The following TENM3 variants were observed in gnomAD, a reference collection of about 807,000 sequenced individuals.
The protein encoded by TENM3 is teneurin transmembrane protein 3.
TENM3 carries 63 observed loss-of-function variants against 255.1 expected under a neutral mutation model. That is an observed-to-expected ratio of 0.25 (90% CI 0.20 to 0.30). The LOEUF is 0.30. Among genes scored for constraint, TENM3 ranks in the 10% least tolerant of loss-of-function variants. TENM3 has a pLI of 1.00. For synonymous variants in TENM3, 1,306 were observed against 1,322.3 expected (o/e 0.99, Z 0.27); for missense variants, 2,929 against 3,461.1 (o/e 0.85, Z 3.86).
chr4:181,895,540 T>A, the TENM3 span, among the ~76,000 whole-genome samples: 1 of 129,320 alleles, frequency 7.7e-6, no homozygotes. Flanking sequence ...TGATTTTTTT[T>A]TTTTTTTTTT....
intron 8 of TENM3, 30 bp from the exon 9 acceptor site, chr4:182,680,218 A>C (rs753986064): frequency 6.7e-7 from 1 of 1,496,524 alleles, no homozygotes; most frequent in Admixed American, 1.7e-5. Flanking sequence ...AGGCTATACA[A>C]CAAGTGTTCC....
chr4:182,590,971 C>T (rs765306478), intron 3 of TENM3, among the ~76,000 whole-genome samples: 2 of 152,176 alleles, frequency 1.3e-5, no homozygotes, highest in South Asian at 4.1e-4. Context: ...CTGCTTTTGG[C>T]TTATTCTTTC....
intron 3 of TENM3, among the ~76,000 whole-genome samples, chr4:182,457,678 C>G (rs1773989002): frequency 6.6e-6 from 1 of 151,904 alleles, no homozygotes; most frequent in South Asian, 2.1e-4. Flanking sequence ...TCACCTCAGC[C>G]TTGCCAATGG....
chr4:181,566,274 T>C, the TENM3 span, among the ~76,000 whole-genome samples: 1,629 of 152,286 alleles, frequency 0.011, 11 homozygotes, highest in South Asian at 0.045. Flanking sequence ...TAATATGCAA[T>C]CAAACTAGTG....
chr4:182,171,108 A>G (rs1013501209), intron 1 of TENM3, among the ~76,000 whole-genome samples: 1 of 152,226 alleles, frequency 6.6e-6, no homozygotes, highest in East Asian at 1.9e-4. Context: ...AAATTTTTAC[A>G]GGAAGTATTG....
chr4:182,117,376 C>A, the TENM3 span, among the ~76,000 whole-genome samples: 1 of 152,104 alleles, frequency 6.6e-6, no homozygotes, highest in Non-Finnish European at 1.5e-5. Flanking sequence ...TAAGTCATTG[C>A]CAAAGCCAAG....
intron 1 of TENM3, among the ~76,000 whole-genome samples, chr4:182,214,345 G>T (rs1755291272): frequency 6.6e-6 from 1 of 152,040 alleles, no homozygotes; most frequent in Non-Finnish European, 1.5e-5. Flanking sequence ...CCTGACTTCT[G>T]ATCTATAGTT....
the TENM3 span, among the ~76,000 whole-genome samples, chr4:182,054,343 G>A: frequency 6.6e-6 from 1 of 152,120 alleles, no homozygotes; most frequent in African/African-American, 2.4e-5. Flanking sequence ...GGAATAAAGA[G>A]GTGAAAGAGA....
At chr4:182,609,522 C>T (rs917336751) in intron 4 of TENM3, among the ~76,000 whole-genome samples, 2 of 152,162 alleles carry the variant, frequency 1.3e-5, no homozygotes, top group Non-Finnish European at 2.9e-5. Context: ...TTAATCAATT[C>T]TATTTGATAA....
intron 12 of TENM3, among the ~76,000 whole-genome samples, chr4:182,707,461 TC>T (rs1292460152): frequency 6.6e-6 from 1 of 152,030 alleles, no homozygotes; most frequent in East Asian, 1.9e-4. Context: ...TTATCTTGTG[TC>T]CTCCTCCACC....
chr4:182,736,777 A>G, intron 16 of TENM3, 31 bp from the exon 17 acceptor site: 1 of 1,593,476 alleles, frequency 6.3e-7, no homozygotes, highest in South Asian at 1.1e-5. Flanking sequence ...ACGTGATCAC[A>G]GTTTGAAACT....
Position 182,793,830 on chromosome 4 carries a change from G to T in TENM3, c.7158G>T (p.Met2386Ile). ...GKDPAPFNLYMFRNNNPASKI... is the reference protein window; with the variant it reads ...GKDPAPFNLYIFRNNNPASKI... Reference sequence around the variant, plus strand: ...ACCCAGCTCCTTTTAACTTGTACATGTTTAGGAATAACAACCCTGCAAGCA... The same window carrying T: ...ACCCAGCTCCTTTTAACTTGTACATTTTTAGGAATAACAACCCTGCAAGCA... Residue 2386 changes from methionine to isoleucine, a missense_variant, in exon 26 of 28, where the codon ATG (methionine) becomes ATT (isoleucine). By Grantham distance (10) the Met-to-Ile change is conservative. This residue lies in a region of TENM3 where 476 missense variants were observed against 480.1 expected (regional missense o/e 0.99). Coordinates refer to ENST00000511685, the MANE Select transcript of TENM3 (RefSeq NM_001080477.4). The surrounding 1 kb of genome is among the most constrained non-coding windows in gnomAD (Gnocchi z 5.7). 1.2e-6 allele frequency: 2 copies of T among 1,613,498 alleles called. No individual in the cohort carries two copies. The highest frequency in any genetic ancestry group is 1.7e-6 in the Non-Finnish European group (2 of 1,179,682).
the TENM3 span, among the ~76,000 whole-genome samples, chr4:181,959,314 C>T: frequency 6.6e-6 from 1 of 152,062 alleles, no homozygotes; most frequent in African/African-American, 2.4e-5. Flanking sequence ...GTTGACTGCC[C>T]GTCTCTCTCA....
chr4:182,687,064 A>T (rs893779292), intron 11 of TENM3, among the ~76,000 whole-genome samples: 2 of 152,146 alleles, frequency 1.3e-5, no homozygotes, highest in African/African-American at 4.8e-5. Context: ...CACGTGTCTG[A>T]GAAATGTTAC....
chr4:181,796,996 C>T, the TENM3 span, among the ~76,000 whole-genome samples: 270 of 152,184 alleles, frequency 1.8e-3, 1 homozygote, highest in Middle Eastern at 6.8e-3. Flanking sequence ...TTATTTCAGA[C>T]GGCAAAGAGG....
the TENM3 span, among the ~76,000 whole-genome samples, chr4:182,052,026 A>T: frequency 6.6e-6 from 1 of 152,084 alleles, no homozygotes; most frequent in Non-Finnish European, 1.5e-5. Context: ...GGGAGGGGGT[A>T]TTACTGGCCT....
At chr4:182,073,825 G>C in the TENM3 span, among the ~76,000 whole-genome samples, 1 of 152,048 alleles carries the variant, frequency 6.6e-6, no homozygotes, top group Admixed American at 6.6e-5. Context: ...TTTGGCTCAG[G>C]CATCATGAAA....
chr4:182,422,562 A>C (rs1580485317), intron 3 of TENM3, among the ~76,000 whole-genome samples: 1 of 152,224 alleles, frequency 6.6e-6, no homozygotes, highest in Non-Finnish European at 1.5e-5. Flanking sequence ...GGAAGGTCCC[A>C]AGAAACCAAT....
the TENM3 span, among the ~76,000 whole-genome samples, chr4:182,021,054 C>A: frequency 6.6e-6 from 1 of 152,024 alleles, no homozygotes; most frequent in East Asian, 1.9e-4. Context: ...CAAATAGTGA[C>A]CACAGTACCC....
Sources: gnomAD v4.1 joint callset for allele counts (sites outside exome capture counted in the v4.1 genomes callset) on GRCh38, gnomAD v4.1.1 for gene constraint, gnomAD v4.1.1 regional missense constraint, Gnocchi (gnomAD v3.1) non-coding constraint, MANE v1.5 for transcripts, NCBI Gene and HGNC (gene_info 2026-07-23, HGNC 2026-07-21) for gene names.